Variants in EXOSC7 observed in about 807,000 individuals in gnomAD.
EXOSC7 encodes exosome component 7, also known as exosome complex component RRP42.
EXOSC7 carries 25 observed loss-of-function variants against 34.3 expected under a neutral mutation model. That is an observed-to-expected ratio of 0.73 (90% CI 0.53 to 1.02). The LOEUF (loss-of-function observed/expected upper bound fraction) is 1.02. EXOSC7 is among the 50% of genes least tolerant of loss of function. The probability of loss-of-function intolerance (pLI) is 0.00; values close to 1 mark genes in which losing one functional copy is unlikely to be tolerated. For synonymous variants in EXOSC7, 130 were observed against 143.0 expected (o/e 0.91, Z 0.65); for missense variants, 370 against 368.5 (o/e 1.00, Z -0.03).
chr3:44,990,117 G>C (rs1706530241), intron 3 of EXOSC7, among the ~76,000 whole-genome samples: 1 of 152,222 alleles, frequency 6.6e-6, no homozygotes, highest in Non-Finnish European at 1.5e-5. Flanking sequence ...CAGTATGGGT[G>C]CTGAGAAGAG....
chr3:44,978,475 G>C (rs1706183731), intron 1 of EXOSC7, among the ~76,000 whole-genome samples: 1 of 152,150 alleles, frequency 6.6e-6, no homozygotes, highest in African/African-American at 2.4e-5. Flanking sequence ...GGCTAGGAAG[G>C]AACCTGTCCT....
At chr3:44,994,518 G>C (rs1706663530) in intron 3 of EXOSC7, among the ~76,000 whole-genome samples, 1 of 152,086 alleles carries the variant, frequency 6.6e-6, no homozygotes, top group Non-Finnish European at 1.5e-5. Context: ...TTATCCTCTG[G>C]AGATGGTCTC....
chr3:44,977,817 A>G (rs1706143437), intron 1 of EXOSC7, among the ~76,000 whole-genome samples: 1 of 152,208 alleles, frequency 6.6e-6, no homozygotes. Flanking sequence ...TGACTCTGTC[A>G]TGTGTCCTAT....
At chr3:44,989,361 A>T in intron 2 of EXOSC7, 120 bp downstream of exon 2, 1 of 890,046 alleles carries the variant, frequency 1.1e-6, no homozygotes, top group Admixed American at 2.3e-5. Context: ...CGAAGATCCG[A>T]GCCAAACTCA....
chr3:44,981,874 A>G lies in EXOSC7; in HGVS notation c.57+5540A>G, dbSNP rs530208285. On this transcript the variant is annotated intron_variant, in intron 1 of 7. Coordinates refer to ENST00000265564, the MANE Select transcript of EXOSC7 (RefSeq NM_015004.4). ...ACTCCAGCCTGGGTGACAGAGAGAT[A>G]CTCTGTCTCTTAAAAGAAAGAAAAA... Among the ~76,000 whole-genome samples the G allele has an allele frequency of 2.6e-5, 4 of 152,248 alleles. No homozygotes were observed. In the South Asian group the frequency reaches 8.3e-4, roughly 32 times the overall value.
intron 1 of EXOSC7, among the ~76,000 whole-genome samples, chr3:44,984,727 A>G (rs78827532): frequency 2.6e-4 from 39 of 152,344 alleles, no homozygotes; most frequent in Non-Finnish European, 4.1e-4. Flanking sequence ...GAATAACACT[A>G]TCGTATAGGA....
chr3:45,011,111 C>A (rs1707198751), intron 7 of EXOSC7, 124 bp from the exon 8 acceptor site: 2 of 458,526 alleles, frequency 4.4e-6, no homozygotes, highest in Non-Finnish European at 3.9e-6. Context: ...AAATAAAAGT[C>A]CTCTAAGGCA....
intron 6 of EXOSC7, 119 bp from the exon 7 acceptor site, chr3:45,007,301 C>A: frequency 9.9e-7 from 1 of 1,011,994 alleles, no homozygotes; most frequent in Non-Finnish European, 1.4e-6. Flanking sequence ...TAAAATAAGA[C>A]CTGGAATGAC....
intron 7 of EXOSC7, among the ~76,000 whole-genome samples, chr3:45,010,005 C>T (rs745656146): frequency 2.0e-5 from 3 of 152,136 alleles, no homozygotes; most frequent in Non-Finnish European, 4.4e-5. Flanking sequence ...ACACACAAGT[C>T]ATTACTCTGG....
At chr3:44,991,280 C>G (rs1007327167) in intron 3 of EXOSC7, among the ~76,000 whole-genome samples, 1 of 152,180 alleles carries the variant, frequency 6.6e-6, no homozygotes, top group African/African-American at 2.4e-5. Flanking sequence ...TGCTCATCTT[C>G]TCTCACCAGC....
intron 3 of EXOSC7, among the ~76,000 whole-genome samples, chr3:44,991,668 A>G (rs563178964): frequency 1.4e-4 from 22 of 152,238 alleles, no homozygotes; most frequent in Non-Finnish European, 2.9e-4. Flanking sequence ...TTCTTGTCCC[A>G]GCTGTAAAGG....
chr3:45,001,038 G>C (rs1706861155), intron 4 of EXOSC7, among the ~76,000 whole-genome samples: 1 of 152,164 alleles, frequency 6.6e-6, no homozygotes, highest in Non-Finnish European at 1.5e-5. Context: ...GTGAGTTGCA[G>C]TCACTGCATG....
In EXOSC7 at chr3:44,989,557, C is replaced by T. The variant is rs1218659616; in HGVS notation, c.167C>T (p.Thr56Ile). 2 of 1,613,682 alleles carry T rather than the reference C, an allele frequency of 1.2e-6. No homozygotes were observed. Among genetic ancestry groups the T allele is most frequent in the Non-Finnish European group, 1.7e-6 (2 of 1,179,740 alleles). ...TCTTGCATGTGTCTGCAGGGTCACACAGACATCTTGGTGGGAGTGAAAGCA... is the reference window on the plus strand; with the variant it reads ...TCTTGCATGTGTCTGCAGGGTCACATAGACATCTTGGTGGGAGTGAAAGCA... ...SGSARVKLGH[T>I]DILVGVKAEM... Residue 56 changes from threonine to isoleucine, a missense_variant, in exon 3 of 8, where the codon ACA becomes ATA. Physicochemically the swap from Thr to Ile is moderately conservative, Grantham distance 89. Around this residue, in one of 3 missense-constraint regions of EXOSC7, gnomAD observed 95 missense variants for 79.8 expected, o/e 1.19. Coordinates refer to ENST00000265564, the MANE Select transcript of EXOSC7 (RefSeq NM_015004.4).
At chr3:45,002,562 TGTTTGTTG>T (rs757439408) in intron 5 of EXOSC7, among the ~76,000 whole-genome samples, 17 of 152,230 alleles carry the variant, frequency 1.1e-4, no homozygotes, top group Non-Finnish European at 2.2e-4. Flanking sequence ...TCCTGGTTTT[TGTTTGTTG>T]GTTTGTTGTA....
At chr3:44,999,190 T>C (rs4683019) in intron 4 of EXOSC7, among the ~76,000 whole-genome samples, 73,690 of 152,034 alleles carry the variant, frequency 0.48, 18,635 homozygotes, top group East Asian at 0.84. Flanking sequence ...TGATGACTAC[T>C]GGGACATTAT....
At chr3:45,009,289 A>G (rs1323788809) in intron 7 of EXOSC7, among the ~76,000 whole-genome samples, 1 of 152,144 alleles carries the variant, frequency 6.6e-6, no homozygotes, top group African/African-American at 2.4e-5. Flanking sequence ...TCACACAGGG[A>G]TGCAGCAATC....
At position 44,976,353 on chromosome 3, in the gene EXOSC7, T is replaced by C. The variant is rs574646729; in HGVS notation, c.57+19T>C. The C allele has an allele frequency of 3.8e-6, 6 of 1,564,122 alleles. No homozygotes were observed. The highest frequency in any genetic ancestry group is 3.5e-5 in the South Asian group (3 of 85,014). On this transcript the variant is annotated intron_variant, in intron 1 of 7. Coordinates refer to ENST00000265564, the MANE Select transcript of EXOSC7 (RefSeq NM_015004.4). ...CGTCCAGGTAGCTACAGCAGCGGCG[T>C]TGGGTCGGCCGCCGGGTTCAGCCTG...
At position 45,003,326 on chromosome 3, in the gene EXOSC7, TGTGCGTGCGTGC is replaced by T. The variant is rs55977605; in HGVS notation, c.491+1734_491+1745del. Among the ~76,000 whole-genome samples, 985 of 136,926 alleles carry T rather than the reference TGTGCGTGCGTGC, an allele frequency of 7.2e-3. 2 individuals are homozygous for T. Among genetic ancestry groups the T allele is most frequent in the Non-Finnish European group, 9.5e-3 (585 of 61,832 alleles). 89.8% of individuals were successfully genotyped at this position (136,926 alleles called of 152,430 possible). ...AAAGGGTTGGGAAATTGGGAGATAC[TGTGCGTGCGTGC>T]GTGCGTGCGTGCGTGTGTGTGTGTA... On this transcript the variant is annotated intron_variant, in intron 5 of 7. Transcript: ENST00000265564.
chr3:45,012,319 G>A (rs763474908), downstream of EXOSC7: 39 of 152,318 alleles, frequency 2.6e-4, no homozygotes, highest in African/African-American at 8.7e-4. Flanking sequence ...ATCACCAAAT[G>A]GAAAGAACAT....
Sources: allele counts gnomAD v4.1 joint callset (sites outside exome capture counted in the v4.1 genomes callset), GRCh38; gene constraint gnomAD v4.1.1; regional missense constraint gnomAD v4.1.1; transcripts MANE v1.5; gene names NCBI Gene and HGNC (gene_info 2026-07-23, HGNC 2026-07-21).